PARD6B: variants seen among roughly 807,000 people sequenced by gnomAD.
The protein encoded by PARD6B is par-6 family cell polarity regulator beta, also known as partitioning defective 6 homolog beta.
A neutral mutation model predicts 10.5 loss-of-function variants in PARD6B; 4 were observed. The observed-to-expected ratio is 0.38, with a 90% CI of 0.19 to 0.87. The LOEUF (loss-of-function observed/expected upper bound fraction) is 0.87, where lower values mean the gene tolerates loss of function less well. Ranked by LOEUF, PARD6B falls within the 40% of genes least tolerant of loss-of-function variation. PARD6B has a pLI of 0.41. For synonymous variants in PARD6B, 169 were observed against 170.4 expected (o/e 0.99, Z 0.07); for missense variants, 396 against 470.6 (o/e 0.84, Z 1.47).
intron 2 of PARD6B, among the ~76,000 whole-genome samples, chr20:50,745,398 C>T (rs1202557600): frequency 7.0e-6 from 1 of 142,606 alleles, no homozygotes; most frequent in Non-Finnish European, 1.5e-5. Flanking sequence ...CACTCTAGAG[C>T]GAAACTCCGT....
chr20:50,753,519 A>C lies in PARD6B; in HGVS notation c.*3031A>C. On this transcript the variant is annotated 3_prime_UTR_variant, in exon 3 of 3. Transcript: ENST00000371610. ...AATGTTCTCGAGCTATCAACAAAATATATGTACTTTTGTGAGCTATGAATT... is the reference window on the plus strand; with the variant it reads ...AATGTTCTCGAGCTATCAACAAAATCTATGTACTTTTGTGAGCTATGAATT... 3 of 938,416 alleles carry C rather than the reference A, an allele frequency of 3.2e-6. No individual in the cohort carries two copies. The highest frequency in any genetic ancestry group is 3.8e-6 in the Non-Finnish European group (3 of 786,832). The allele number at this position is 938,416 out of a possible 1,614,324, so 58.1% of individuals were successfully genotyped here.
chr20:50,736,483 G>A (rs1030575433), intron 1 of PARD6B, among the ~76,000 whole-genome samples: 9 of 152,158 alleles, frequency 5.9e-5, no homozygotes, highest in African/African-American at 1.7e-4. Flanking sequence ...CCAACATAGG[G>A]CTTAAATGAG....
At chr20:50,744,184 G>A (rs553810147) in intron 2 of PARD6B, among the ~76,000 whole-genome samples, 5 of 133,658 alleles carry the variant, frequency 3.7e-5, no homozygotes, top group Non-Finnish European at 7.6e-5. Context: ...GCGTGATCTC[G>A]TCTCACGGCA....
Position 50,750,867 on chromosome 20 carries a change from A to C in PARD6B, c.*379A>C. ...AATTTTTCCTTTAACTGTATTTTTA[A>C]AATTCTAATGTGAAGTCTGATTCTC... On this transcript the variant is annotated 3_prime_UTR_variant, in exon 3 of 3. Coordinates refer to ENST00000371610, the MANE Select transcript of PARD6B (RefSeq NM_032521.3). 1 of 999,714 alleles carries C rather than the reference A, an allele frequency of 1.0e-6. No individual in the cohort carries two copies. Among genetic ancestry groups the C allele is most frequent in the Non-Finnish European group, 1.2e-6 (1 of 838,056 alleles). The allele number at this position is 999,714 out of a possible 1,614,324, so 61.9% of individuals were successfully genotyped here.
intron 2 of PARD6B, among the ~76,000 whole-genome samples, chr20:50,741,654 T>C (rs1297929621): frequency 6.6e-6 from 1 of 151,666 alleles, no homozygotes; most frequent in Non-Finnish European, 1.5e-5. Context: ...ACCATTCTCC[T>C]GCCTCAGCCT....
rs1312761773 is a variant in PARD6B at position 50,753,705 on chromosome 20, A to AT, written c.*3223dup. On this transcript the variant is annotated 3_prime_UTR_variant, in exon 3 of 3. Transcript: ENST00000371610. The stretch of plus-strand genomic sequence containing the variant: ...ATCAAATTAGCTTTAGTTGTATATT[A>AT]TTTTTTACAAATAAAGATAGACTTG... 4 of 700,162 alleles carry AT rather than the reference A, an allele frequency of 5.7e-6. No individual in the cohort carries two copies. In the African/African-American group the frequency reaches 7.7e-5, roughly 14 times the overall value. 43.4% of individuals were successfully genotyped at this position (700,162 alleles called of 1,614,324 possible).
intron 2 of PARD6B, among the ~76,000 whole-genome samples, chr20:50,749,325 A>G (rs2087586391): frequency 7.2e-6 from 1 of 139,376 alleles, no homozygotes; most frequent in South Asian, 2.4e-4. Context: ...CCTGGTCGAC[A>G]GAGCGAGACT....
intron 1 of PARD6B, among the ~76,000 whole-genome samples, chr20:50,732,913 A>T (rs2123697431): frequency 6.6e-6 from 1 of 152,004 alleles, no homozygotes; most frequent in East Asian, 1.9e-4. Context: ...TTTCAAAAAA[A>T]AAAAGTAATG....
chr20:50,752,313 C>T lies in PARD6B; in HGVS notation c.*1825C>T, dbSNP rs1412497023. The T allele has an allele frequency of 2.5e-5, 24 of 974,688 alleles. No individual in the cohort carries two copies. Among genetic ancestry groups the T allele is most frequent in the Non-Finnish European group, 2.7e-5 (22 of 827,626 alleles). The allele number at this position is 974,688 out of a possible 1,614,324, so 60.4% of individuals were successfully genotyped here. ...AAGATGTTTTAACACATAGGACAAA[C>T]TTGTGCACTTTTTATGCCAAAAAAA... On this transcript the variant is annotated 3_prime_UTR_variant, in exon 3 of 3. Transcript: ENST00000371610.
Position 50,752,458 on chromosome 20 carries a change from AT to A in PARD6B, c.*1972del. On this transcript the variant is annotated 3_prime_UTR_variant, in exon 3 of 3. Coordinates refer to ENST00000371610, the MANE Select transcript of PARD6B (RefSeq NM_032521.3). The stretch of plus-strand genomic sequence containing the variant: ...CACTATTAATTTTATGAGGCTATTT[AT>A]TACTTTCCAATGCATCCACTTAGAA... The A allele has an allele frequency of 1.0e-6, 1 of 985,626 alleles. No homozygotes were observed. Among genetic ancestry groups the A allele is most frequent in the Non-Finnish European group, 1.2e-6 (1 of 829,812 alleles). 61.1% of individuals were successfully genotyped at this position (985,626 alleles called of 1,614,324 possible).
intron 2 of PARD6B, among the ~76,000 whole-genome samples, chr20:50,746,763 T>C (rs1282771386): frequency 6.6e-6 from 1 of 152,220 alleles, no homozygotes; most frequent in Non-Finnish European, 1.5e-5. Context: ...TTTGGTTAGG[T>C]TTCCCATGAG....
rs967702361 is a variant in PARD6B, at chr20:50,750,595, A to G, written c.*107A>G. On this transcript the variant is annotated 3_prime_UTR_variant, in exon 3 of 3. Coordinates refer to ENST00000371610, the MANE Select transcript of PARD6B (RefSeq NM_032521.3). ...ACCAGTGACGTGGAATAGGCATGAGACGAGTAACGTTGCAAGCTTACAATA... is the reference window on the plus strand; with the variant it reads ...ACCAGTGACGTGGAATAGGCATGAGGCGAGTAACGTTGCAAGCTTACAATA... 2 of 1,450,728 alleles carry G rather than the reference A, an allele frequency of 1.4e-6. No individual in the cohort carries two copies. The highest frequency in any genetic ancestry group is 2.5e-5 in the East Asian group (1 of 40,592). 89.9% of individuals were successfully genotyped at this position (1,450,728 alleles called of 1,614,324 possible).
chr20:50,738,794 G>C (rs771381954), intron 2 of PARD6B, among the ~76,000 whole-genome samples: 1 of 152,000 alleles, frequency 6.6e-6, no homozygotes, highest in Admixed American at 6.6e-5. Flanking sequence ...TCACTATTTG[G>C]CAATAACTTT....
chr20:50,734,516 A>ATTTAT (rs1476133954), intron 1 of PARD6B, among the ~76,000 whole-genome samples: 47 of 151,282 alleles, frequency 3.1e-4, no homozygotes, highest in African/African-American at 1.1e-3. Flanking sequence ...CAGCTTATTT[A>ATTTAT]TTTATTTATT....
chr20:50,734,843 T>A (rs1217104577), intron 1 of PARD6B, among the ~76,000 whole-genome samples: 1 of 152,134 alleles, frequency 6.6e-6, no homozygotes, highest in South Asian at 2.1e-4. Context: ...TAGGATCTCT[T>A]TTTCTTCATA....
At position 50,733,527 on chromosome 20, in the gene PARD6B, A is replaced by C. The variant is rs553732007; in HGVS notation, c.66+1675A>C. ...AAAGACGTGTAGTTACAGCAATTTA[A>C]GGAATGTGCATGTCCATGTGTCCTC... On this transcript the variant is annotated intron_variant, in intron 1 of 2. Transcript: ENST00000371610. Among the ~76,000 whole-genome samples the C allele has an allele frequency of 2.0e-5, 3 of 152,358 alleles. No homozygotes were observed. In the South Asian group the frequency reaches 6.2e-4, roughly 32 times the overall value.
intron 2 of PARD6B, among the ~76,000 whole-genome samples, chr20:50,743,679 G>T (rs1383187657): frequency 2.0e-5 from 3 of 152,072 alleles, no homozygotes; most frequent in Non-Finnish European, 4.4e-5. Flanking sequence ...ACAAGATCAG[G>T]AGATCGAGAC....
chr20:50,749,079 C>T (rs6013007), intron 2 of PARD6B, among the ~76,000 whole-genome samples: 49,697 of 152,062 alleles, frequency 0.33, 9,118 homozygotes, highest in East Asian at 0.64. Context: ...TGCGGTGGCT[C>T]ACGCCTATAA....
intron 1 of PARD6B, 148 bp downstream of exon 1, chr20:50,732,000 C>T: frequency 1.9e-6 from 1 of 538,836 alleles, no homozygotes; most frequent in Non-Finnish European, 2.8e-6. Flanking sequence ...GGGTAATAAA[C>T]TTGCCGAGGA....
Sources: gnomAD v4.1 joint callset for allele counts (sites outside exome capture counted in the v4.1 genomes callset) on GRCh38, gnomAD v4.1.1 for gene constraint, MANE v1.5 for transcripts, NCBI Gene and HGNC (gene_info 2026-07-23, HGNC 2026-07-21) for gene names.